The following MIPOL1 variants were observed in gnomAD, a reference collection of about 807,000 sequenced individuals.
MIPOL1 encodes mirror-image polydactyly 1.
Under a neutral mutation model 60.9 loss-of-function variants are expected in MIPOL1, and 57 were observed. That is an observed-to-expected ratio of 0.94 (90% CI 0.76 to 1.17). MIPOL1 has a LOEUF of 1.17. MIPOL1 is among the 50% of genes most tolerant of loss of function. The pLI is 0.00. For missense variants in MIPOL1, 551 were observed against 511.6 expected (o/e 1.08, Z -0.74); for synonymous variants, 179 against 168.8 (o/e 1.06, Z -0.47).
chr14:37,401,408 T>A (rs1246637017), intron 10 of MIPOL1: 1 of 152,076 alleles, frequency 6.6e-6, no homozygotes, highest in Non-Finnish European at 1.5e-5. Context: ...AGGCAAAATA[T>A]CTGTACACTA....
rs192966776 is a variant in MIPOL1, at chr14:37,415,398, G to A, written c.937-7457G>A. Among the ~76,000 whole-genome samples, 36 of 152,004 alleles carry A rather than the reference G, an allele frequency of 2.4e-4. No individual in the cohort carries two copies. In the East Asian group the frequency reaches 4.9e-3, roughly 20 times the overall value. On this transcript the variant is annotated intron_variant, in intron 10 of 12. Transcript: ENST00000684589. Reference sequence around the variant, plus strand: ...AGCACTTTGGGAGGCCGAGGCAGGCGGATCACGAGGTCAGGAGATCGAGAC... The same window carrying A: ...AGCACTTTGGGAGGCCGAGGCAGGCAGATCACGAGGTCAGGAGATCGAGAC...
intron 11 of MIPOL1, among the ~76,000 whole-genome samples, chr14:37,487,236 C>T (rs1377062854): frequency 6.6e-6 from 1 of 152,124 alleles, no homozygotes; most frequent in Non-Finnish European, 1.5e-5. Flanking sequence ...ATTCAGTTTG[C>T]AAGTATTTTA....
chr14:37,437,469 G>A (rs1040046032), intron 11 of MIPOL1, among the ~76,000 whole-genome samples: 1 of 152,164 alleles, frequency 6.6e-6, no homozygotes, highest in Non-Finnish European at 1.5e-5. Flanking sequence ...GTCCTAGAAA[G>A]TTGGACGCAC....
chr14:37,347,566 T>G (rs2091032326), intron 9 of MIPOL1, among the ~76,000 whole-genome samples: 1 of 152,156 alleles, frequency 6.6e-6, no homozygotes, highest in Admixed American at 6.5e-5. Context: ...TAGCTGTGGA[T>G]TTTCCATCTT....
intron 1 of MIPOL1, among the ~76,000 whole-genome samples, chr14:37,234,416 C>T (rs1473522734): frequency 6.7e-6 from 1 of 149,618 alleles, no homozygotes; most frequent in Admixed American, 6.7e-5. Flanking sequence ...GCCTCGAACT[C>T]CTAGGCTCAA....
intron 12 of MIPOL1, among the ~76,000 whole-genome samples, chr14:37,508,715 T>C (rs1265185665): frequency 6.6e-6 from 1 of 152,140 alleles, no homozygotes; most frequent in African/African-American, 2.4e-5. Context: ...AATTCCTCCT[T>C]CTCTTGGCAT....
chr14:37,487,296 C>G (rs1566697387), intron 11 of MIPOL1, among the ~76,000 whole-genome samples: 1 of 152,050 alleles, frequency 6.6e-6, no homozygotes, highest in African/African-American at 2.4e-5. Context: ...CTGAAATTTT[C>G]TTTTTGTTTT....
chr14:37,261,423 A>G (rs1358712265), intron 3 of MIPOL1, among the ~76,000 whole-genome samples: 3 of 152,076 alleles, frequency 2.0e-5, no homozygotes, highest in African/African-American at 7.2e-5. Context: ...TACTGATTTT[A>G]GCTGTGCAAC....
At chr14:37,225,184 G>T (rs1354102092) in intron 1 of MIPOL1, among the ~76,000 whole-genome samples, 1 of 152,132 alleles carries the variant, frequency 6.6e-6, no homozygotes, top group Non-Finnish European at 1.5e-5. Flanking sequence ...GCTTTTCCAG[G>T]CACATGGTGC....
At chr14:37,276,113 C>T (rs1013151604) in intron 6 of MIPOL1, among the ~76,000 whole-genome samples, 3 of 151,102 alleles carry the variant, frequency 2.0e-5, no homozygotes, top group Non-Finnish European at 4.5e-5. Flanking sequence ...CTTTCTCTCT[C>T]TCTATTATCT....
At chr14:37,520,179 T>A (rs1290112249) in intron 12 of MIPOL1, among the ~76,000 whole-genome samples, 1 of 152,150 alleles carries the variant, frequency 6.6e-6, no homozygotes, top group Non-Finnish European at 1.5e-5. Context: ...TGGCTTAGTC[T>A]AAAATTTGAA....
intron 1 of MIPOL1, among the ~76,000 whole-genome samples, chr14:37,217,510 C>T (rs548915756): frequency 6.6e-6 from 1 of 152,168 alleles, no homozygotes; most frequent in Non-Finnish European, 1.5e-5. Context: ...AATACTAAAA[C>T]CGAGTTCAGC....
intron 11 of MIPOL1, among the ~76,000 whole-genome samples, chr14:37,445,089 G>A (rs192455420): frequency 2.0e-5 from 3 of 152,268 alleles, no homozygotes; most frequent in Non-Finnish European, 4.4e-5. Flanking sequence ...AATTAGGCAG[G>A]AGAAGACAAT....
chr14:37,379,289 C>G (rs1055571052), intron 10 of MIPOL1, among the ~76,000 whole-genome samples: 1 of 151,990 alleles, frequency 6.6e-6, no homozygotes, highest in African/African-American at 2.4e-5. Context: ...ATCCATACCT[C>G]ATCATACAAC....
chr14:37,365,851 C>G (rs780838856), intron 9 of MIPOL1, among the ~76,000 whole-genome samples: 2 of 151,984 alleles, frequency 1.3e-5, no homozygotes, highest in Non-Finnish European at 2.9e-5. Context: ...CTTTTCTTTA[C>G]TGGGATACTT....
intron 10 of MIPOL1, among the ~76,000 whole-genome samples, chr14:37,412,429 G>A (rs2093694785): frequency 6.6e-6 from 1 of 151,868 alleles, no homozygotes; most frequent in Non-Finnish European, 1.5e-5. Context: ...CATTGGAATG[G>A]AATAGATAAA....
intron 6 of MIPOL1, among the ~76,000 whole-genome samples, chr14:37,280,275 G>A (rs928803769): frequency 6.6e-6 from 1 of 152,106 alleles, no homozygotes; most frequent in African/African-American, 2.4e-5. Context: ...ATGCTGCAGT[G>A]AACATGGGAG....
intron 11 of MIPOL1, among the ~76,000 whole-genome samples, chr14:37,476,210 T>C (rs557339519): frequency 6.6e-6 from 1 of 152,312 alleles, no homozygotes; most frequent in South Asian, 2.1e-4. Flanking sequence ...AGGAAAGCAA[T>C]TGACCTTAAA....
intron 10 of MIPOL1, among the ~76,000 whole-genome samples, chr14:37,402,793 T>C (rs1453407957): frequency 6.6e-6 from 1 of 152,218 alleles, no homozygotes; most frequent in East Asian, 1.9e-4. Flanking sequence ...TTTCCTGGCT[T>C]ATTTTTAAAC....
Sources: allele counts gnomAD v4.1 joint callset (sites outside exome capture counted in the v4.1 genomes callset), GRCh38; gene constraint gnomAD v4.1.1; transcripts MANE v1.5; gene names NCBI Gene and HGNC (gene_info 2026-07-23, HGNC 2026-07-21).